Variants in GRIN2B observed in about 807,000 individuals in gnomAD.
GRIN2B encodes the protein glutamate receptor ionotropic, NMDA 2B.
A neutral mutation model predicts 114.5 loss-of-function variants in GRIN2B; 5 were observed. That is an observed-to-expected ratio of 0.04 (90% CI 0.02 to 0.09). The LOEUF is 0.09. GRIN2B is among the 10% of genes least tolerant of loss of function. GRIN2B has a pLI of 1.00. For missense variants in GRIN2B, 1,108 were observed against 1,943.5 expected (o/e 0.57, Z 8.08); for synonymous variants, 787 against 745.1 (o/e 1.06, Z -0.92).
chr12:13,785,842 G>A (rs1072388), intron 3 of GRIN2B, among the ~76,000 whole-genome samples: 20,953 of 152,066 alleles, frequency 0.14, 1,724 homozygotes, highest in Non-Finnish European at 0.19. Context: ...ATGTTAATCC[G>A]TTGTCAAATA....
chr12:13,717,403 A>G (rs1342512433), intron 4 of GRIN2B, among the ~76,000 whole-genome samples: 1 of 151,980 alleles, frequency 6.6e-6, no homozygotes, highest in Non-Finnish European at 1.5e-5. Flanking sequence ...TACTATCTCT[A>G]TCATCAACCC....
intron 5 of GRIN2B, among the ~76,000 whole-genome samples, chr12:13,663,894 T>G (rs967993210): frequency 6.6e-6 from 1 of 152,132 alleles, no homozygotes; most frequent in African/African-American, 2.4e-5. Flanking sequence ...AACACGAGAG[T>G]AGCACTTGCT....
chr12:13,913,671 T>C (rs1866661820), intron 2 of GRIN2B, among the ~76,000 whole-genome samples: 1 of 152,182 alleles, frequency 6.6e-6, no homozygotes, highest in Non-Finnish European at 1.5e-5. Flanking sequence ...TATGAAACAC[T>C]AGACGAGGCA....
chr12:13,631,743 G>T (rs543016468), intron 5 of GRIN2B, among the ~76,000 whole-genome samples: 33 of 152,298 alleles, frequency 2.2e-4, no homozygotes, highest in Non-Finnish European at 1.9e-4. Flanking sequence ...GTGCTAAGTG[G>T]CCTCCTAAAG....
intron 3 of GRIN2B, among the ~76,000 whole-genome samples, chr12:13,819,307 T>C (rs1173457710): frequency 6.6e-6 from 1 of 152,196 alleles, no homozygotes; most frequent in Non-Finnish European, 1.5e-5. Context: ...AATATATTCC[T>C]GTTGTTTGCA....
intron 3 of GRIN2B, among the ~76,000 whole-genome samples, chr12:13,806,214 C>G (rs1337842567): frequency 3.3e-5 from 5 of 152,086 alleles, no homozygotes; most frequent in Non-Finnish European, 5.9e-5. Flanking sequence ...TTCTGATATA[C>G]TGGTTGCATT....
chr12:13,671,515 A>C lies in GRIN2B; in HGVS notation c.1125+4230T>G, dbSNP rs138688196. On this transcript the variant is annotated intron_variant, in intron 5 of 13. Transcript: ENST00000609686. The stretch of plus-strand genomic sequence containing the variant: ...ATCACATGGTTCACACCAACAACTT[A>C]ATCTTCCTTGACCCGAGATGCCTTG... Among the ~76,000 whole-genome samples, 5 of 152,240 alleles carry C rather than the reference A, an allele frequency of 3.3e-5. No homozygotes were observed. In the East Asian group the frequency reaches 9.7e-4, roughly 30 times the overall value.
chr12:13,753,008 C>T lies in GRIN2B; in HGVS notation c.1010+309G>A, dbSNP rs1033692860. On this transcript the variant is annotated intron_variant, in intron 4 of 13. Transcript: ENST00000609686. This position sits in a 1 kb window ranked among gnomAD's most constrained non-coding sequence, Gnocchi z 6.2. The stretch of plus-strand genomic sequence containing the variant: ...ATTTACACCTCCAAGCCTATTCTTT[C>T]GTATTGTAAAATAGAAACAATTGTT... Among the ~76,000 whole-genome samples the T allele has an allele frequency of 6.6e-6, 1 of 152,188 alleles. No homozygotes were observed. The highest frequency in any genetic ancestry group is 2.4e-5 in the African/African-American group (1 of 41,448).
intron 3 of GRIN2B, among the ~76,000 whole-genome samples, chr12:13,834,920 T>C (rs1865230739): frequency 6.6e-6 from 1 of 152,208 alleles, no homozygotes; most frequent in African/African-American, 2.4e-5. Context: ...GCATCTGTAT[T>C]TTTTTAAACT....
chr12:13,888,365 G>A (rs772903317), intron 2 of GRIN2B, among the ~76,000 whole-genome samples: 40 of 151,766 alleles, frequency 2.6e-4, no homozygotes, highest in Non-Finnish European at 4.4e-4. Context: ...CTTGTAACAC[G>A]ATGGTAAGTA....
chr12:13,635,267 T>C (rs886985681), intron 5 of GRIN2B, among the ~76,000 whole-genome samples: 3 of 152,130 alleles, frequency 2.0e-5, no homozygotes, highest in Admixed American at 6.5e-5. Flanking sequence ...GGGGAGATGG[T>C]GAAACCAAGT....
chr12:13,941,137 C>T (rs1244244176), intron 2 of GRIN2B, among the ~76,000 whole-genome samples: 4 of 152,138 alleles, frequency 2.6e-5, no homozygotes, highest in Non-Finnish European at 5.9e-5. Flanking sequence ...GATTCACACT[C>T]TCTGTGGCCG....
At chr12:13,902,600 C>T (rs1866469927) in intron 2 of GRIN2B, among the ~76,000 whole-genome samples, 2 of 152,082 alleles carry the variant, frequency 1.3e-5, no homozygotes, top group South Asian at 4.1e-4. Flanking sequence ...TACCTGAGGT[C>T]GAGAATTCGA....
At chr12:13,878,050 C>G (rs1044271147) in intron 2 of GRIN2B, among the ~76,000 whole-genome samples, 31 of 106,160 alleles carry the variant, frequency 2.9e-4, no homozygotes, top group Non-Finnish European at 4.5e-4. Flanking sequence ...GGTGACAGAG[C>G]AAGACTCTGT....
chr12:13,929,385 C>T (rs1464329785), intron 2 of GRIN2B, among the ~76,000 whole-genome samples: 2 of 152,106 alleles, frequency 1.3e-5, no homozygotes. Flanking sequence ...CAGGAATCAG[C>T]ATAGATTCAT....
intron 3 of GRIN2B, among the ~76,000 whole-genome samples, chr12:13,799,989 A>G (rs1393861919): frequency 6.6e-6 from 1 of 152,166 alleles, no homozygotes; most frequent in Non-Finnish European, 1.5e-5. Context: ...ACTGAACAAT[A>G]CCAGCCATTC....
intron 2 of GRIN2B, among the ~76,000 whole-genome samples, chr12:13,921,734 T>A (rs887508442): frequency 6.6e-6 from 1 of 152,164 alleles, no homozygotes; most frequent in Non-Finnish European, 1.5e-5. Flanking sequence ...CTTAGCCTAC[T>A]GGGATGCCAG....
At chr12:13,754,624 A>C (rs1442093518) in intron 3 of GRIN2B, among the ~76,000 whole-genome samples, 1 of 152,236 alleles carries the variant, frequency 6.6e-6, no homozygotes, top group Non-Finnish European at 1.5e-5. Context: ...TTTGCTCTCT[A>C]ACTTCTACTC....
chr12:13,554,169 T>C lies in GRIN2B; in HGVS notation c.*8614A>G, dbSNP rs1948450379. The C allele has an allele frequency of 6.6e-6, 1 of 152,124 alleles. No individual in the cohort carries two copies. Among genetic ancestry groups the C allele is most frequent in the Non-Finnish European group, 1.5e-5 (1 of 68,012 alleles). The allele number at this position is 152,124 out of a possible 1,614,324, so 9.4% of individuals were successfully genotyped here. A position where few individuals can be genotyped will look rare whatever the true frequency, so the allele number is the denominator to read the frequency against. On this transcript the variant is annotated 3_prime_UTR_variant, in exon 14 of 14. Transcript: ENST00000609686. ...GCACTCTGTTTAGTGCTACAGGAGA[T>C]AAAAAGATTTAAAAATACATGGCCC...
Sources: gnomAD v4.1 joint callset for allele counts (sites outside exome capture counted in the v4.1 genomes callset) on GRCh38, gnomAD v4.1.1 for gene constraint, Gnocchi (gnomAD v3.1) non-coding constraint, MANE v1.5 for transcripts, NCBI Gene and HGNC (gene_info 2026-07-23, HGNC 2026-07-21) for gene names.